The following PDE4B variants were observed in gnomAD, a reference collection of about 807,000 sequenced individuals.
The protein encoded by PDE4B is phosphodiesterase 4B.
Under a neutral mutation model 82.2 loss-of-function variants are expected in PDE4B, and 20 were observed. That is an observed-to-expected ratio of 0.24 (90% CI 0.17 to 0.35). The LOEUF is 0.35. PDE4B is among the 10% of genes least tolerant of loss of function. PDE4B has a pLI of 1.00. For missense variants in PDE4B, 655 were observed against 907.2 expected, an observed-to-expected ratio of 0.72 and a Z score of 3.57; for synonymous variants, 320 against 318.9, an observed-to-expected ratio of 1.00 and a Z score of -0.04.
At chr1:66,272,481 A>G (rs1392696506) in intron 7 of PDE4B, among the ~76,000 whole-genome samples, 4 of 152,216 alleles carry the variant, frequency 2.6e-5, no homozygotes, top group Admixed American at 6.5e-5. Context: ...ACCTCTGGTA[A>G]CCCCTTTTGG....
intron 1 of PDE4B, among the ~76,000 whole-genome samples, chr1:65,794,340 A>T (rs1645607978): frequency 6.6e-6 from 1 of 152,168 alleles, no homozygotes; most frequent in Admixed American, 6.5e-5. Context: ...AAATGTCCAG[A>T]TACTATTTTT....
At chr1:65,971,746 G>C (rs946107322) in intron 3 of PDE4B, among the ~76,000 whole-genome samples, 3 of 152,110 alleles carry the variant, frequency 2.0e-5, no homozygotes, top group African/African-American at 4.8e-5. Context: ...TTGAGAAATC[G>C]AGAATGTAAA....
intron 7 of PDE4B, among the ~76,000 whole-genome samples, chr1:66,278,671 A>G (rs1656066266): frequency 6.6e-6 from 1 of 152,254 alleles, no homozygotes; most frequent in Non-Finnish European, 1.5e-5. Flanking sequence ...AGTGTAGTGA[A>G]TAAACACTGG....
At chr1:66,196,702 C>T (rs1027778152) in intron 3 of PDE4B, among the ~76,000 whole-genome samples, 1 of 151,066 alleles carries the variant, frequency 6.6e-6, no homozygotes, top group Admixed American at 6.6e-5. Flanking sequence ...AGTAAACTAT[C>T]GCAAGAACAA....
intron 3 of PDE4B, among the ~76,000 whole-genome samples, chr1:66,059,903 G>T (rs560049000): frequency 6.6e-6 from 1 of 152,248 alleles, no homozygotes; most frequent in South Asian, 2.1e-4. Flanking sequence ...GAACCCCTGA[G>T]AATTTAAAAC....
rs182908538 is a variant in PDE4B at position 65,992,546 on chromosome 1, G to T, written c.281+73711G>T. ...TTTTTTTTAAAAAAATGCATGTAAA[G>T]GATTTATCAAAAGCCTTTATGAATA... On this transcript the variant is annotated intron_variant, in intron 3 of 16. Coordinates refer to ENST00000341517, the MANE Select transcript of PDE4B (RefSeq NM_002600.4). 179 of 182,548 alleles carry T rather than the reference G, an allele frequency of 9.8e-4. 1 individual carries two copies. The highest frequency in any genetic ancestry group is 1.6e-3 in the Non-Finnish European group (148 of 93,310). 11.3% of individuals were successfully genotyped at this position (182,548 alleles called of 1,614,324 possible).
intron 3 of PDE4B, among the ~76,000 whole-genome samples, chr1:66,235,177 G>T (rs1313449373): frequency 6.6e-6 from 1 of 152,132 alleles, no homozygotes; most frequent in African/African-American, 2.4e-5. Flanking sequence ...TAGAACGTCA[G>T]CTATTTTGGT....
intron 3 of PDE4B, among the ~76,000 whole-genome samples, chr1:66,029,361 G>T (rs1320555865): frequency 6.6e-6 from 1 of 152,152 alleles, no homozygotes; most frequent in African/African-American, 2.4e-5. Context: ...TTCAAGCTGA[G>T]ATTTGGGTGG....
intron 7 of PDE4B, among the ~76,000 whole-genome samples, chr1:66,279,887 A>C (rs566142444): frequency 2.0e-5 from 3 of 152,294 alleles, no homozygotes; most frequent in South Asian, 4.1e-4. Flanking sequence ...AATCTCCTTT[A>C]CTTTAAGTCT....
chr1:66,163,639 A>G (rs1194105439), intron 3 of PDE4B, among the ~76,000 whole-genome samples: 2 of 152,238 alleles, frequency 1.3e-5, no homozygotes, highest in African/African-American at 2.4e-5. Flanking sequence ...CACATTTATT[A>G]TAATATACCT....
At chr1:65,919,182 CAT>C (rs930734424) in intron 3 of PDE4B, among the ~76,000 whole-genome samples, 16 of 152,334 alleles carry the variant, frequency 1.1e-4, no homozygotes, top group African/African-American at 3.6e-4. Context: ...AAACAAATTA[CAT>C]GTTACTATAT....
At chr1:65,972,242 A>T (rs577965272) in intron 3 of PDE4B, among the ~76,000 whole-genome samples, 2 of 152,218 alleles carry the variant, frequency 1.3e-5, no homozygotes, top group Non-Finnish European at 2.9e-5. Flanking sequence ...TTTGGGAATC[A>T]GTTTGCCATT....
intron 3 of PDE4B, among the ~76,000 whole-genome samples, chr1:66,077,456 A>G (rs544526417): frequency 5.9e-5 from 9 of 152,222 alleles, no homozygotes; most frequent in African/African-American, 2.2e-4. Flanking sequence ...TTATTTATGA[A>G]CTTGATTTCC....
chr1:65,853,385 A>C (rs1646353019), intron 1 of PDE4B, among the ~76,000 whole-genome samples: 1 of 152,000 alleles, frequency 6.6e-6, no homozygotes, highest in South Asian at 2.1e-4. Context: ...GTTATTATAG[A>C]TATATTTCAG....
chr1:66,285,270 G>C (rs571560040), intron 7 of PDE4B, among the ~76,000 whole-genome samples: 1 of 152,076 alleles, frequency 6.6e-6, no homozygotes, highest in African/African-American at 2.4e-5. Flanking sequence ...AATTGAAGAC[G>C]TATAGTCTTT....
At position 65,815,484 on chromosome 1, in the gene PDE4B, G is replaced by A. The variant is rs149538510; in HGVS notation, c.-71+22236G>A. On this transcript the variant is annotated intron_variant, in intron 1 of 16. Transcript: ENST00000341517. ...TTAAACTGAGAATAAATGCAACATG[G>A]TATCCTGGATTGGATGCTGGAATGG... Among the ~76,000 whole-genome samples the A allele has an allele frequency of 3.2e-3, 488 of 152,172 alleles. 4 individuals are homozygous for A. Among genetic ancestry groups the A allele is most frequent in the African/African-American group, 0.011 (461 of 41,526 alleles).
At chr1:66,187,130 T>C (rs1370632804) in intron 3 of PDE4B, among the ~76,000 whole-genome samples, 4 of 152,198 alleles carry the variant, frequency 2.6e-5, no homozygotes, top group Non-Finnish European at 4.4e-5. Context: ...TATGCTGGAT[T>C]ACGTTTATTG....
At chr1:65,955,806 G>A (rs1413792676) in intron 3 of PDE4B, among the ~76,000 whole-genome samples, 1 of 152,012 alleles carries the variant, frequency 6.6e-6, no homozygotes, top group African/African-American at 2.4e-5. Context: ...TTCTCACGCT[G>A]GCCTCTGATT....
intron 3 of PDE4B, among the ~76,000 whole-genome samples, chr1:66,125,653 A>T (rs1645808068): frequency 6.6e-6 from 1 of 152,204 alleles, no homozygotes; most frequent in Non-Finnish European, 1.5e-5. Context: ...GATTTCGCTT[A>T]AAGTTGCAGT....
Sources: gnomAD v4.1 joint callset for allele counts (sites outside exome capture counted in the v4.1 genomes callset) on GRCh38, gnomAD v4.1.1 for gene constraint, MANE v1.5 for transcripts, NCBI Gene and HGNC (gene_info 2026-07-23, HGNC 2026-07-21) for gene names.